The following RCC1 variants were observed in gnomAD, a reference collection of about 807,000 sequenced individuals.
RCC1 encodes regulator of chromosome condensation 1.
Under a neutral mutation model 44.4 loss-of-function variants are expected in RCC1, and 11 were observed. That is an observed-to-expected ratio of 0.25 (90% CI 0.16 to 0.41). The LOEUF (loss-of-function observed/expected upper bound fraction) is 0.41, where lower values mean the gene tolerates loss of function less well. Ranked by LOEUF, RCC1 falls within the 10% of genes least tolerant of loss-of-function variation. The pLI is 1.00. For synonymous variants in RCC1, 213 were observed against 216.5 expected, an observed-to-expected ratio of 0.98 and a Z score of 0.14; for missense variants, 386 against 547.1, an observed-to-expected ratio of 0.71 and a Z score of 2.94.
chr1:28,534,187 T>C lies in RCC1; in HGVS notation c.442-863T>C, dbSNP rs1291143606. On this transcript the variant is annotated intron_variant, in intron 7 of 12. Coordinates refer to ENST00000683442, the MANE Select transcript of RCC1 (RefSeq NM_001381865.2). The stretch of plus-strand genomic sequence containing the variant: ...CCGCCACGTCTGGCCTCTTTTCTTT[T>C]TTCTTTGTTTTGAGACGGAGTCTCG... Among the ~76,000 whole-genome samples the C allele has an allele frequency of 4.6e-5, 7 of 151,952 alleles. No homozygotes were observed. In the East Asian group the frequency reaches 1.4e-3, roughly 29 times the overall value.
intron 3 of RCC1, chr1:28,509,216 C>CT: frequency 3.7e-6 from 1 of 272,530 alleles, no homozygotes; most frequent in East Asian, 9.7e-5. Flanking sequence ...CTCATTCATA[C>CT]TTTAAGAACC....
At chr1:28,508,201 T>C (rs959961699) in intron 2 of RCC1, 41 bp downstream of exon 2, 4 of 428,156 alleles carry the variant, frequency 9.3e-6, no homozygotes, top group South Asian at 4.8e-5. Flanking sequence ...ATCAGCTCTT[T>C]GTCAATGATT....
At chr1:28,513,839 C>T (rs1281069818) in intron 3 of RCC1, among the ~76,000 whole-genome samples, 2 of 152,258 alleles carry the variant, frequency 1.3e-5, no homozygotes, top group Non-Finnish European at 2.9e-5. Flanking sequence ...CCCACCTTGG[C>T]CTCCCAAAGT....
At chr1:28,514,560 A>C (rs1662771794) in intron 3 of RCC1, among the ~76,000 whole-genome samples, 2 of 151,524 alleles carry the variant, frequency 1.3e-5, no homozygotes, top group Admixed American at 6.6e-5. Flanking sequence ...TCGGGAGTAC[A>C]AGACCAGCCT....
intron 3 of RCC1, among the ~76,000 whole-genome samples, chr1:28,512,113 T>G (rs1166269578): frequency 6.6e-6 from 1 of 151,438 alleles, no homozygotes; most frequent in East Asian, 1.9e-4. Flanking sequence ...TAGCTGGGAT[T>G]ACAAGCGCCT....
rs1448060712 is a variant in RCC1, at chr1:28,530,960, C to T, written c.74-843C>T. On this transcript the variant is annotated intron_variant, in intron 5 of 12. Transcript: ENST00000683442. ...TGACCCACGTAGTCTCCCTTGCTTT[C>T]GGTGCAGATTCTGCTATTATAATTA... is the stretch of plus-strand genomic sequence containing the variant. Among the ~76,000 whole-genome samples, 5 of 152,302 alleles carry T rather than the reference C, an allele frequency of 3.3e-5. No individual in the cohort carries two copies. In the East Asian group the frequency reaches 5.8e-4, roughly 18 times the overall value.
intron 1 of RCC1, 45 bp from the exon 2 acceptor site, chr1:28,508,083 G>A (rs533330813): frequency 9.4e-6 from 4 of 425,964 alleles, no homozygotes; most frequent in South Asian, 6.5e-5. Flanking sequence ...CGTTGAAAAA[G>A]TTTAGGGTTT....
intron 3 of RCC1, among the ~76,000 whole-genome samples, chr1:28,514,006 CAA>C (rs879902209): frequency 4.2e-5 from 6 of 141,420 alleles, no homozygotes; most frequent in Admixed American, 7.0e-5. Flanking sequence ...ACTAAAAATA[CAA>C]AAAAAAAAAA....
Position 28,531,815 on chromosome 1 carries a change from C to T in RCC1, c.86C>T (p.Ser29Phe). ...CTTCACCCTTCAGTCTCACACAGGT[C>T]CCACAGCACAGAACCCGGCTTGGTG... ...KSKKVKVSHR[S>F]HSTEPGLVLT... The change falls in exon 6 of 13, where the codon TCC (serine) becomes TTC (phenylalanine). Residue 29 changes from serine to phenylalanine, a missense_variant. Ser to Phe is a radical substitution (Grantham distance 155). Coordinates refer to ENST00000683442, the MANE Select transcript of RCC1 (RefSeq NM_001381865.2). 1 of 1,544,996 alleles carries T rather than the reference C, an allele frequency of 6.5e-7. No homozygotes were observed. The highest frequency in any genetic ancestry group is 8.7e-7 in the Non-Finnish European group (1 of 1,150,870).
chr1:28,529,569 A>G (rs1175694051), intron 4 of RCC1, among the ~76,000 whole-genome samples: 1 of 152,026 alleles, frequency 6.6e-6, no homozygotes. Context: ...ATCACTTTTG[A>G]TGGCTTCATA....
chr1:28,509,407 A>G (rs2124600196), intron 3 of RCC1: 1 of 158,508 alleles, frequency 6.3e-6, no homozygotes, highest in South Asian at 1.8e-4. Flanking sequence ...ACACCTGGCT[A>G]ATTTTTGTAT....
chr1:28,506,351 A>C (rs941122126), intron 1 of RCC1: 2 of 395,226 alleles, frequency 5.1e-6, no homozygotes, highest in Non-Finnish European at 1.0e-5. Context: ...CGCCCGGCCA[A>C]TTTTTGTATT....
intron 4 of RCC1, among the ~76,000 whole-genome samples, chr1:28,527,786 G>T (rs558026208): frequency 2.0e-4 from 31 of 152,056 alleles, no homozygotes; most frequent in African/African-American, 7.0e-4. Flanking sequence ...AAGGTGGGTG[G>T]ATCATCTGAG....
At chr1:28,507,598 G>A (rs1557864099) in intron 1 of RCC1, 2 of 433,674 alleles carry the variant, frequency 4.6e-6, no homozygotes, top group South Asian at 1.6e-5. Context: ...CTGGATTGAA[G>A]TCTTTTTTTT....
chr1:28,536,323 C>G lies in RCC1; in HGVS notation c.879C>G (p.Thr293=), dbSNP rs370084664. 3.7e-6 allele frequency: 6 copies of G among 1,613,990 alleles called. No homozygotes were observed. The African/African-American group carries it at 6.7e-5, about 18-fold the overall frequency. The change falls in exon 11 of 13, where the codon ACC becomes ACG. Residue 293 remains threonine (T), a synonymous_variant. Coordinates refer to ENST00000683442, the MANE Select transcript of RCC1 (RefSeq NM_001381865.2). The surrounding 1 kb of genome is among the most constrained non-coding windows in gnomAD (Gnocchi z 4.9). ...PQNLTSFKNS[T]KSWVGFSGGQ... ...ACCTAACATCCTTCAAGAATTCCACCAAGTCCTGGGTGGGCTTCTCTGGTG... is the reference window on the plus strand; with the variant it reads ...ACCTAACATCCTTCAAGAATTCCACGAAGTCCTGGGTGGGCTTCTCTGGTG...
chr1:28,506,698 T>G (rs2124587611), intron 1 of RCC1: 1 of 161,960 alleles, frequency 6.2e-6, no homozygotes, highest in Middle Eastern at 3.3e-3. Context: ...GTTCTCAATA[T>G]AATTGCACAC....
At chr1:28,518,155 C>T (rs1341296095) in intron 4 of RCC1, 1 of 152,132 alleles carries the variant, frequency 6.6e-6, no homozygotes, top group Non-Finnish European at 1.5e-5. Context: ...GAGCGCGCCA[C>T]ATGCAGATCC....
chr1:28,521,499 CAGAAAAAAAAA>C (rs149933358), intron 4 of RCC1, among the ~76,000 whole-genome samples: 39,128 of 117,324 alleles, frequency 0.33, 5,316 homozygotes, highest in Middle Eastern at 0.46. Context: ...GACTCCACCT[CAGAAAAAAAAA>C]AAAAAAAAAA....
At chr1:28,506,185 G>T in intron 1 of RCC1, 101 bp downstream of exon 1, 1 of 444,244 alleles carries the variant, frequency 2.3e-6, no homozygotes, top group Non-Finnish European at 4.5e-6. Flanking sequence ...AGATCATATA[G>T]TATTTTATTT....
Sources: gnomAD v4.1 joint callset for allele counts (sites outside exome capture counted in the v4.1 genomes callset) on GRCh38, gnomAD v4.1.1 for gene constraint, Gnocchi (gnomAD v3.1) non-coding constraint, MANE v1.5 for transcripts, NCBI Gene and HGNC (gene_info 2026-07-23, HGNC 2026-07-21) for gene names.